The following PLXDC2 variants were observed in gnomAD, a reference collection of about 807,000 sequenced individuals.
The protein encoded by PLXDC2 is plexin domain containing 2, also known as plexin domain-containing protein 2.
In PLXDC2, 40 loss-of-function variants were observed where a neutral mutation model predicts 68.9. The observed-to-expected ratio is 0.58, with a 90% CI of 0.45 to 0.76. The LOEUF is 0.76. Among genes scored for constraint, PLXDC2 ranks in the 30% least tolerant of loss-of-function variants. The probability of loss-of-function intolerance (pLI) is 0.00; values close to 1 mark genes in which losing one functional copy is unlikely to be tolerated. For synonymous variants in PLXDC2, 243 were observed against 234.2 expected (o/e 1.04, Z -0.34); for missense variants, 644 against 661.9 (o/e 0.97, Z 0.30).
chr10:19,956,134 T>A (rs776576195), intron 1 of PLXDC2, among the ~76,000 whole-genome samples: 16 of 152,172 alleles, frequency 1.1e-4, no homozygotes, highest in Non-Finnish European at 1.6e-4. Flanking sequence ...ATCATCTCTA[T>A]TAGGCTGTAA....
chr10:20,173,833 G>A (rs992301023), intron 7 of PLXDC2, among the ~76,000 whole-genome samples: 48 of 152,186 alleles, frequency 3.2e-4, no homozygotes, highest in African/African-American at 1.1e-3. Flanking sequence ...TCTGACAGAG[G>A]TATCTCTGAA....
intron 1 of PLXDC2, among the ~76,000 whole-genome samples, chr10:19,889,336 G>A (rs922142282): frequency 2.6e-5 from 4 of 152,030 alleles, no homozygotes; most frequent in Admixed American, 1.3e-4. Flanking sequence ...TCTTGGGACC[G>A]TGAATTAACT....
At chr10:20,151,183 T>C (rs1834147791) in intron 6 of PLXDC2, among the ~76,000 whole-genome samples, 1 of 152,230 alleles carries the variant, frequency 6.6e-6, no homozygotes, top group Non-Finnish European at 1.5e-5. Flanking sequence ...AAATTTGTCG[T>C]AAGAGAGTCC....
At chr10:20,182,371 A>G (rs534147615) in intron 9 of PLXDC2, among the ~76,000 whole-genome samples, 12 of 152,116 alleles carry the variant, frequency 7.9e-5, no homozygotes, top group Middle Eastern at 3.4e-3. Flanking sequence ...TTCTGAATTT[A>G]GCTTTCTTTC....
At chr10:20,104,696 GA>G (rs1833467253) in intron 4 of PLXDC2, among the ~76,000 whole-genome samples, 1 of 151,704 alleles carries the variant, frequency 6.6e-6, no homozygotes, top group African/African-American at 2.4e-5. Flanking sequence ...AATGGGGGGA[GA>G]AAACACATTT....
At chr10:19,950,533 T>G (rs1236650125) in intron 1 of PLXDC2, among the ~76,000 whole-genome samples, 1 of 152,136 alleles carries the variant, frequency 6.6e-6, no homozygotes, top group Non-Finnish European at 1.5e-5. Context: ...GGAGAAACAT[T>G]ACATGCTCAT....
chr10:20,046,088 G>A (rs1183345150), intron 2 of PLXDC2, among the ~76,000 whole-genome samples: 5 of 152,210 alleles, frequency 3.3e-5, no homozygotes, highest in South Asian at 2.1e-4. Context: ...AGGACCATTA[G>A]CTGAAAGCAG....
intron 1 of PLXDC2, among the ~76,000 whole-genome samples, chr10:19,923,915 A>G (rs960097018): frequency 1.3e-5 from 2 of 152,254 alleles, no homozygotes; most frequent in Non-Finnish European, 2.9e-5. Flanking sequence ...AAATACAAAA[A>G]TTAGCTTCAT....
At chr10:20,177,297 C>G (rs1238258696) in intron 8 of PLXDC2, 31 bp from the exon 9 acceptor site, 1 of 1,530,562 alleles carries the variant, frequency 6.5e-7, no homozygotes, top group Admixed American at 1.7e-5. Flanking sequence ...GCCTGTTAGT[C>G]TTGGTGAATC....
At chr10:20,189,486 T>TATATATATATATATAC (rs1834732187) in intron 9 of PLXDC2, among the ~76,000 whole-genome samples, 1 of 122,630 alleles carries the variant, frequency 8.2e-6, no homozygotes, top group East Asian at 2.3e-4. Context: ...CATATATATA[T>TATATATATATATATAC]ATATATATAT....
At chr10:20,161,920 A>C (rs935616353) in intron 6 of PLXDC2, among the ~76,000 whole-genome samples, 1 of 151,900 alleles carries the variant, frequency 6.6e-6, no homozygotes, top group African/African-American at 2.4e-5. Context: ...AATCCCAGCT[A>C]CTCAGGAGGC....
chr10:20,049,020 A>G (rs12247745), intron 3 of PLXDC2, among the ~76,000 whole-genome samples: 4,333 of 152,182 alleles, frequency 0.028, 212 homozygotes, highest in African/African-American at 0.099. Context: ...TTAAATATAT[A>G]CAATTGTTAG....
chr10:19,961,820 T>C (rs1834158036), intron 1 of PLXDC2, among the ~76,000 whole-genome samples: 1 of 152,184 alleles, frequency 6.6e-6, no homozygotes, highest in South Asian at 2.1e-4. Flanking sequence ...TTGCTTTGCA[T>C]GGGTGATGCT....
chr10:20,092,414 G>A (rs1833291907), intron 4 of PLXDC2, among the ~76,000 whole-genome samples: 2 of 152,080 alleles, frequency 1.3e-5, no homozygotes, highest in African/African-American at 4.8e-5. Context: ...TATACTGTTA[G>A]CATTGCTTGA....
chr10:20,062,221 C>T (rs1589610711), intron 3 of PLXDC2, among the ~76,000 whole-genome samples: 1 of 152,146 alleles, frequency 6.6e-6, no homozygotes, highest in South Asian at 2.1e-4. Context: ...GTCAAAAGAT[C>T]AAGGCCATCC....
chr10:19,936,589 G>A (rs1386543273), intron 1 of PLXDC2, among the ~76,000 whole-genome samples: 1 of 152,084 alleles, frequency 6.6e-6, no homozygotes, highest in Non-Finnish European at 1.5e-5. Context: ...TTTATCTACT[G>A]GTGCACTGGG....
intron 10 of PLXDC2, among the ~76,000 whole-genome samples, chr10:20,214,183 A>G (rs576861793): frequency 6.6e-6 from 1 of 152,262 alleles, no homozygotes; most frequent in East Asian, 1.9e-4. Context: ...TATTCCGTGT[A>G]TGATTTTTGT....
At chr10:19,924,865 C>G (rs1833513074) in intron 1 of PLXDC2, among the ~76,000 whole-genome samples, 2 of 152,152 alleles carry the variant, frequency 1.3e-5, no homozygotes, top group African/African-American at 2.4e-5. Context: ...GAAAAATGTA[C>G]TTCACTCCCC....
At chr10:19,899,049 C>T (rs1001524152) in intron 1 of PLXDC2, among the ~76,000 whole-genome samples, 1 of 152,068 alleles carries the variant, frequency 6.6e-6, no homozygotes, top group Admixed American at 6.5e-5. Flanking sequence ...CAAAAGATGA[C>T]CCATTAACCA....
Sources: allele counts gnomAD v4.1 joint callset (sites outside exome capture counted in the v4.1 genomes callset), GRCh38; gene constraint gnomAD v4.1.1; transcripts MANE v1.5; gene names NCBI Gene and HGNC (gene_info 2026-07-23, HGNC 2026-07-21).